CD82: variants seen among roughly 807,000 people sequenced by gnomAD.
CD82 encodes the protein CD82 antigen.
Under a neutral mutation model 37.4 loss-of-function variants are expected in CD82, and 36 were observed. That is an observed-to-expected ratio of 0.96 (90% CI 0.74 to 1.27). The LOEUF is 1.27. Ranked by LOEUF, CD82 falls within the 50% of genes most tolerant of loss-of-function variation. The pLI, the probability that CD82 is intolerant of heterozygous loss-of-function variation, is 0.00. For synonymous variants in CD82, 158 were observed against 137.4 expected, an observed-to-expected ratio of 1.15 and a Z score of -1.05; for missense variants, 340 against 347.0, an observed-to-expected ratio of 0.98 and a Z score of 0.16.
At chr11:44,579,167 C>T (rs1324220842) in intron 1 of CD82, among the ~76,000 whole-genome samples, 1 of 151,732 alleles carries the variant, frequency 6.6e-6, no homozygotes, top group Non-Finnish European at 1.5e-5. Flanking sequence ...ACAGTGCCGC[C>T]ACTCCTAGAA....
intron 1 of CD82, among the ~76,000 whole-genome samples, chr11:44,578,737 G>T (rs1205054839): frequency 6.6e-6 from 1 of 152,160 alleles, no homozygotes; most frequent in East Asian, 1.9e-4. Context: ...AAGAGGAGAG[G>T]CCGGCGGATG....
intron 4 of CD82, chr11:44,604,652 C>T (rs1040132756): frequency 1.7e-5 from 5 of 291,588 alleles, no homozygotes; most frequent in Non-Finnish European, 2.7e-5. Flanking sequence ...GTGCACAGCA[C>T]CTCACTGCGA....
intron 1 of CD82, among the ~76,000 whole-genome samples, chr11:44,578,610 G>A (rs1385162586): frequency 1.3e-5 from 2 of 152,138 alleles, no homozygotes; most frequent in African/African-American, 4.8e-5. Context: ...ACTCAGAGAG[G>A]GGAACTCGCC....
At chr11:44,585,271 G>A in intron 1 of CD82, 1 of 456,122 alleles carries the variant, frequency 2.2e-6, no homozygotes, top group South Asian at 1.5e-5. Flanking sequence ...AACTTTTCCA[G>A]ATCATCATCA....
intron 7 of CD82, among the ~76,000 whole-genome samples, chr11:44,617,430 G>A (rs1329251675): frequency 6.6e-6 from 1 of 151,992 alleles, no homozygotes; most frequent in African/African-American, 2.4e-5. Context: ...GTGATGGCGA[G>A]TGCCTGTAAT....
intron 2 of CD82, among the ~76,000 whole-genome samples, chr11:44,590,169 C>T (rs1853119935): frequency 2.0e-5 from 3 of 152,068 alleles, no homozygotes; most frequent in South Asian, 4.1e-4. Flanking sequence ...GTGGGTGCGC[C>T]ATTTGATCCT....
chr11:44,603,298 T>G (rs1239244021), intron 4 of CD82, among the ~76,000 whole-genome samples: 3 of 152,156 alleles, frequency 2.0e-5, no homozygotes, highest in African/African-American at 7.2e-5. Context: ...CTGTCTGTTA[T>G]CAGGAAGCGG....
intron 2 of CD82, among the ~76,000 whole-genome samples, chr11:44,588,474 G>A (rs1486756542): frequency 3.3e-5 from 5 of 152,108 alleles, no homozygotes; most frequent in Admixed American, 2.0e-4. Flanking sequence ...CGCCCGCCTC[G>A]ACCTCCCAAA....
At chr11:44,615,478 T>A in intron 7 of CD82, 105 bp downstream of exon 7, 1 of 720,136 alleles carries the variant, frequency 1.4e-6, no homozygotes, top group East Asian at 2.7e-5. Flanking sequence ...TGCTCGTGTG[T>A]GCCTGACAGT....
chr11:44,588,795 G>A (rs1853098219), intron 2 of CD82, among the ~76,000 whole-genome samples: 1 of 152,218 alleles, frequency 6.6e-6, no homozygotes, highest in Admixed American at 6.5e-5. Context: ...GAAGTTTCCT[G>A]GAGGTGGTGA....
At chr11:44,574,283 T>C (rs1852857023) in intron 1 of CD82, among the ~76,000 whole-genome samples, 1 of 152,174 alleles carries the variant, frequency 6.6e-6, no homozygotes, top group South Asian at 2.1e-4. Flanking sequence ...TCTGATCCCA[T>C]GGACCACATC....
rs950974169 is a variant in CD82 at position 44,619,457 on chromosome 11, T to A, written c.*331T>A. The A allele has an allele frequency of 8.4e-6, 2 of 237,290 alleles. No homozygotes were observed. Among genetic ancestry groups the A allele is most frequent in the Non-Finnish European group, 1.7e-5 (2 of 121,066 alleles). The allele number at this position is 237,290 out of a possible 1,614,324, so 14.7% of individuals were successfully genotyped here. A position where few individuals can be genotyped will look rare whatever the true frequency, so the allele number is the denominator to read the frequency against. ...GGTGTGTATATTGTATAGGGGCAACTGTATGAAAAATTGGGGAGGAGGGGG... is the reference window on the plus strand; with the variant it reads ...GGTGTGTATATTGTATAGGGGCAACAGTATGAAAAATTGGGGAGGAGGGGG... On this transcript the variant is annotated 3_prime_UTR_variant, in exon 10 of 10. Coordinates refer to ENST00000227155, the MANE Select transcript of CD82 (RefSeq NM_002231.4).
At chr11:44,611,971 G>T (rs781272802) in intron 6 of CD82, among the ~76,000 whole-genome samples, 4 of 152,238 alleles carry the variant, frequency 2.6e-5, no homozygotes, top group Non-Finnish European at 5.9e-5. Context: ...GAGCCTCAGT[G>T]CAACATGTTG....
chr11:44,609,739 G>A (rs572985020), intron 6 of CD82, among the ~76,000 whole-genome samples: 3 of 152,302 alleles, frequency 2.0e-5, no homozygotes, highest in South Asian at 2.1e-4. Context: ...GTTCTCTTGC[G>A]ATGGGGCAGA....
intron 1 of CD82, among the ~76,000 whole-genome samples, chr11:44,581,254 G>T (rs1181626569): frequency 6.6e-6 from 1 of 152,114 alleles, no homozygotes; most frequent in South Asian, 2.1e-4. Flanking sequence ...GCTCTGGGAG[G>T]GTCAGATGTT....
At chr11:44,585,113 C>T (rs1853034373) in intron 1 of CD82, 5 of 442,126 alleles carry the variant, frequency 1.1e-5, no homozygotes, top group Non-Finnish European at 2.3e-5. Context: ...CTTCCTTAGG[C>T]AGCCCAGCCT....
At chr11:44,602,174 C>G (rs1853317730) in intron 4 of CD82, among the ~76,000 whole-genome samples, 4 of 152,228 alleles carry the variant, frequency 2.6e-5, no homozygotes, top group Admixed American at 2.0e-4. Context: ...CCACATGGCT[C>G]TGCAGCCACA....
chr11:44,590,557 G>A (rs1853127959), intron 2 of CD82, among the ~76,000 whole-genome samples: 1 of 124,942 alleles, frequency 8.0e-6, no homozygotes, highest in Non-Finnish European at 1.6e-5. Flanking sequence ...CTTGCAGTGA[G>A]CCAAGATTGT....
chr11:44,584,252 G>T (rs981689205), intron 1 of CD82, among the ~76,000 whole-genome samples: 3 of 152,176 alleles, frequency 2.0e-5, no homozygotes, highest in African/African-American at 7.2e-5. Context: ...ACACAGCTAG[G>T]AGGAAGCAGA....
Sources: gnomAD v4.1 joint callset for allele counts (sites outside exome capture counted in the v4.1 genomes callset) on GRCh38, gnomAD v4.1.1 for gene constraint, MANE v1.5 for transcripts, NCBI Gene and HGNC (gene_info 2026-07-23, HGNC 2026-07-21) for gene names.